Variants in EGFR observed in about 807,000 individuals in gnomAD.
EGFR encodes epidermal growth factor receptor.
Under a neutral mutation model 143.0 loss-of-function variants are expected in EGFR, and 58 were observed. The observed-to-expected ratio is 0.41, with a 90% CI of 0.33 to 0.50. The LOEUF is 0.50. Ranked by LOEUF, EGFR falls within the 20% of genes least tolerant of loss-of-function variation. EGFR has a pLI of 0.39. For missense variants in EGFR, 1,307 were observed against 1,579.0 expected (o/e 0.83, Z 2.92); for synonymous variants, 613 against 594.4 (o/e 1.03, Z -0.45).
intron 1 of EGFR, among the ~76,000 whole-genome samples, chr7:55,031,394 A>C (rs906185793): frequency 6.6e-6 from 1 of 152,230 alleles, no homozygotes; most frequent in Non-Finnish European, 1.5e-5. Flanking sequence ...GCAGAACAGA[A>C]AGTTCAGCAA....
rs981641157 is a variant in EGFR at position 55,207,919 on chromosome 7, A to C, written c.*2302A>C. 1.3e-5 allele frequency: 2 copies of C among 152,244 alleles called. No individual in the cohort carries two copies. Among genetic ancestry groups the C allele is most frequent in the African/African-American group, 4.8e-5 (2 of 41,470 alleles). The allele number at this position is 152,244 out of a possible 1,614,324, so 9.4% of individuals were successfully genotyped here. A position where few individuals can be genotyped will look rare whatever the true frequency, so the allele number is the denominator to read the frequency against. Reference sequence around the variant, plus strand: ...ACCTCAGGACATGCAGAAATATTTCAGTCAGAACTGGGAAACAGAAGGACC... The same window carrying C: ...ACCTCAGGACATGCAGAAATATTTCCGTCAGAACTGGGAAACAGAAGGACC... On this transcript the variant is annotated 3_prime_UTR_variant, in exon 28 of 28. Coordinates refer to ENST00000275493, the MANE Select transcript of EGFR (RefSeq NM_005228.5).
chr7:55,022,687 G>A (rs1469644449), intron 1 of EGFR, among the ~76,000 whole-genome samples: 3 of 152,222 alleles, frequency 2.0e-5, no homozygotes, highest in Admixed American at 6.5e-5. Flanking sequence ...TGGTTTGTGT[G>A]TTAGACCCAC....
intron 4 of EGFR, among the ~76,000 whole-genome samples, chr7:55,147,727 T>G (rs907851219): frequency 1.4e-5 from 2 of 148,092 alleles, no homozygotes; most frequent in Non-Finnish European, 2.9e-5. Context: ...CACACAGAAC[T>G]CTTTTATCTT....
chr7:55,188,732 G>A lies in EGFR; in HGVS notation c.2470-2987G>A, dbSNP rs1445337208. The stretch of plus-strand genomic sequence containing the variant: ...TTAAAGCATAACTGCGCCAGGCACA[G>A]AGTTGTCCTTTCAAATGTGCCGGCA... On this transcript the variant is annotated intron_variant, in intron 20 of 27. Coordinates refer to ENST00000275493, the MANE Select transcript of EGFR (RefSeq NM_005228.5). 3 of 152,144 alleles carry A rather than the reference G, an allele frequency of 2.0e-5. No homozygotes were observed. The East Asian group carries it at 5.8e-4, about 29-fold the overall frequency. The allele number at this position is 152,144 out of a possible 1,614,324, so 9.4% of individuals were successfully genotyped here.
At position 55,142,181 on chromosome 7, in the gene EGFR, A is replaced by G. The variant is rs1156820287; in HGVS notation, c.89-105A>G. On this transcript the variant is annotated intron_variant, in intron 1 of 27. Transcript: ENST00000275493. ...AATGGGTGAGTCTCTGTGTGGAGAG[A>G]GTGAAGAAACTGCTACCCTTAATAC... 8.7e-6 allele frequency: 12 copies of G among 1,375,330 alleles called. No individual in the cohort carries two copies. The East Asian group carries it at 1.4e-4, about 16-fold the overall frequency. 85.2% of individuals were successfully genotyped at this position (1,375,330 alleles called of 1,614,324 possible).
chr7:55,142,220 G>A (rs1309524481), intron 1 of EGFR, 66 bp from the exon 2 acceptor site: 5 of 1,594,594 alleles, frequency 3.1e-6, no homozygotes, highest in Non-Finnish European at 8.6e-7. Flanking sequence ...GACCTTGAGG[G>A]ATTGTTTTAT....
chr7:55,178,047 G>C (rs535449545), intron 19 of EGFR, among the ~76,000 whole-genome samples: 1 of 152,140 alleles, frequency 6.6e-6, no homozygotes, highest in African/African-American at 2.4e-5. Flanking sequence ...CTGTGTGGCC[G>C]ACACCCACGC....
intron 1 of EGFR, among the ~76,000 whole-genome samples, chr7:55,063,434 G>A (rs1789310515): frequency 6.6e-6 from 1 of 152,106 alleles, no homozygotes; most frequent in South Asian, 2.1e-4. Flanking sequence ...ATTATGGAGG[G>A]GTTAGTGTGT....
intron 1 of EGFR, among the ~76,000 whole-genome samples, chr7:55,075,627 T>C (rs17335940): frequency 0.027 from 4,091 of 151,964 alleles, 120 homozygotes; most frequent in African/African-American, 0.071. Flanking sequence ...AAAGCTCGAG[T>C]TCCTGTAATG....
chr7:55,103,551 G>C (rs1036959385), intron 1 of EGFR, among the ~76,000 whole-genome samples: 1 of 152,206 alleles, frequency 6.6e-6, no homozygotes, highest in Non-Finnish European at 1.5e-5. Context: ...TAAAGCACAA[G>C]CTAAGGAAGA....
At chr7:55,152,267 G>T (rs1785195066) in intron 5 of EGFR, 2 of 604,902 alleles carry the variant, frequency 3.3e-6, no homozygotes, top group Non-Finnish European at 6.2e-6. Context: ...TTTGTTCTTT[G>T]TATGTGCTTT....
intron 1 of EGFR, among the ~76,000 whole-genome samples, chr7:55,056,747 G>A (rs566058953): frequency 1.1e-3 from 160 of 152,328 alleles, no homozygotes; most frequent in Admixed American, 3.8e-3. Flanking sequence ...CGCCAGTTGC[G>A]TAAGTGTGAA....
intron 27 of EGFR, among the ~76,000 whole-genome samples, chr7:55,203,562 C>T (rs1205963073): frequency 4.3e-5 from 1 of 23,286 alleles, no homozygotes; most frequent in Non-Finnish European, 8.1e-5. Flanking sequence ...CACATACACA[C>T]ACCACACACA....
chr7:55,147,389 T>C (rs186538246), intron 4 of EGFR, among the ~76,000 whole-genome samples: 4 of 152,358 alleles, frequency 2.6e-5, no homozygotes, highest in Admixed American at 2.6e-4. Flanking sequence ...TCCCCTGGGC[T>C]GCGCCCGTTC....
intron 2 of EGFR, among the ~76,000 whole-genome samples, chr7:55,142,749 C>G (rs753745581): frequency 5.9e-5 from 9 of 152,134 alleles, no homozygotes; most frequent in Non-Finnish European, 1.3e-4. Context: ...TTTAAAAGCC[C>G]TGCTTTGCAC....
At chr7:55,054,492 G>T (rs1446184855) in intron 1 of EGFR, among the ~76,000 whole-genome samples, 1 of 152,222 alleles carries the variant, frequency 6.6e-6, no homozygotes, top group Non-Finnish European at 1.5e-5. Flanking sequence ...CTCCTTTAAT[G>T]CCACTTTTTC....
intron 1 of EGFR, among the ~76,000 whole-genome samples, chr7:55,117,844 G>T (rs775064170): frequency 2.0e-5 from 3 of 152,148 alleles, no homozygotes; most frequent in Admixed American, 6.5e-5. Flanking sequence ...GTTTGAAAAG[G>T]CTAGATTTCC....
chr7:55,101,307 T>C (rs1319414391), intron 1 of EGFR, among the ~76,000 whole-genome samples: 1 of 152,238 alleles, frequency 6.6e-6, no homozygotes, highest in Non-Finnish European at 1.5e-5. Context: ...CTTACTGAGG[T>C]ACACTCAGAT....
chr7:55,073,353 G>C (rs979864158), intron 1 of EGFR, among the ~76,000 whole-genome samples: 1 of 152,200 alleles, frequency 6.6e-6, no homozygotes, highest in Non-Finnish European at 1.5e-5. Context: ...CTTCCCAGGG[G>C]ATTTTTTTGT....
Sources: gnomAD v4.1 joint callset for allele counts (sites outside exome capture counted in the v4.1 genomes callset) on GRCh38, gnomAD v4.1.1 for gene constraint, MANE v1.5 for transcripts, NCBI Gene and HGNC (gene_info 2026-07-23, HGNC 2026-07-21) for gene names.